The following PALS1 variants were observed in gnomAD, a reference collection of about 807,000 sequenced individuals.
PALS1 encodes protein PALS1.
A neutral mutation model predicts 78.9 loss-of-function variants in PALS1; 31 were observed. The ratio of observed to expected loss-of-function variants is 0.39; its 90% CI spans 0.30 to 0.53. The LOEUF is 0.53. Ranked by LOEUF, PALS1 falls within the 20% of genes least tolerant of loss-of-function variation. PALS1 has a pLI of 0.67. For synonymous variants in PALS1, 276 were observed against 270.9 expected (o/e 1.02, Z -0.18); for missense variants, 704 against 826.5 (o/e 0.85, Z 1.82).
intron 2 of PALS1, among the ~76,000 whole-genome samples, chr14:67,277,363 T>C (rs1451137467): frequency 6.6e-6 from 1 of 152,160 alleles, no homozygotes; most frequent in East Asian, 1.9e-4. Context: ...TTCCTGATTG[T>C]TGGACTAGTG....
intron 14 of PALS1, among the ~76,000 whole-genome samples, chr14:67,324,648 G>A (rs2085322534): frequency 6.6e-6 from 1 of 151,590 alleles, no homozygotes. Context: ...GTAGTGGCAT[G>A]TTCATGGCTC....
intron 3 of PALS1, chr14:67,279,790 C>T (rs927102263): frequency 2.6e-6 from 1 of 379,002 alleles, no homozygotes; most frequent in Non-Finnish European, 4.7e-6. Flanking sequence ...TCTGCATGGG[C>T]CCTAACATTT....
chr14:67,280,857 C>CCT (rs1567518348), intron 3 of PALS1, among the ~76,000 whole-genome samples: 62 of 53,234 alleles, frequency 1.2e-3, no homozygotes, highest in Non-Finnish European at 1.6e-3. Flanking sequence ...CCTTCCTTCC[C>CCT]TCCCTCCCTC....
chr14:67,256,797 G>GACACACACACACACACACACACAC (rs10654145), intron 1 of PALS1, among the ~76,000 whole-genome samples: 180 of 147,786 alleles, frequency 1.2e-3, no homozygotes, highest in Middle Eastern at 3.5e-3. Flanking sequence ...AGAAACTATT[G>GACACACACACACACACACACACAC]ACACACACAC....
At chr14:67,243,129 TCA>T (rs2083928832) in intron 1 of PALS1, among the ~76,000 whole-genome samples, 1 of 152,184 alleles carries the variant, frequency 6.6e-6, no homozygotes, top group Non-Finnish European at 1.5e-5. Context: ...TTTTCTGATT[TCA>T]GAGTGTCTAG....
At chr14:67,283,550 A>C (rs535864813) in intron 3 of PALS1, among the ~76,000 whole-genome samples, 3 of 152,162 alleles carry the variant, frequency 2.0e-5, no homozygotes, top group Non-Finnish European at 4.4e-5. Flanking sequence ...TTGTTTAGCT[A>C]TTGTTACAGA....
chr14:67,304,741 T>TA (rs1476392358), intron 8 of PALS1, among the ~76,000 whole-genome samples: 1 of 152,234 alleles, frequency 6.6e-6, no homozygotes, highest in Non-Finnish European at 1.5e-5. Flanking sequence ...AATCTGTGAA[T>TA]AAACTAAAAC....
intron 4 of PALS1, among the ~76,000 whole-genome samples, chr14:67,300,331 A>G (rs997528986): frequency 8.3e-6 from 1 of 120,998 alleles, no homozygotes; most frequent in Non-Finnish European, 1.6e-5. Flanking sequence ...TGTATTATGA[A>G]TTACCTTTTT....
chr14:67,295,337 A>G (rs186807321), intron 4 of PALS1, among the ~76,000 whole-genome samples: 1 of 151,838 alleles, frequency 6.6e-6, no homozygotes, highest in East Asian at 1.9e-4. Flanking sequence ...AAAAAATACA[A>G]AAATTAGCTG....
intron 9 of PALS1, among the ~76,000 whole-genome samples, chr14:67,313,659 T>C (rs2085127392): frequency 6.6e-6 from 1 of 152,194 alleles, no homozygotes; most frequent in Admixed American, 6.5e-5. Context: ...TAATAATTCA[T>C]CCATTTATTT....
At chr14:67,317,546 C>T in intron 11 of PALS1, 67 bp downstream of exon 11, 2 of 1,072,908 alleles carry the variant, frequency 1.9e-6, no homozygotes, top group South Asian at 1.4e-5. Context: ...TCCTGTTTTG[C>T]ACCTTAATGT....
chr14:67,284,285 A>G (rs1037516284), intron 3 of PALS1, among the ~76,000 whole-genome samples: 4 of 151,920 alleles, frequency 2.6e-5, no homozygotes, highest in African/African-American at 9.7e-5. Context: ...TGTAGAATTC[A>G]TTAGTTTTTA....
rs112474279 is a variant in PALS1, at chr14:67,276,382, G to A, written c.-153-2636G>A. On this transcript the variant is annotated intron_variant, in intron 2 of 14. Coordinates refer to ENST00000261681, the MANE Select transcript of PALS1 (RefSeq NM_022474.4). ...CATGTGAGCCTGTCTGCCTGGAATA[G>A]ACCTTTCTACTATCTGGCTAATTTT... Among the ~76,000 whole-genome samples, 1,159 of 152,198 alleles carry A rather than the reference G, an allele frequency of 7.6e-3. 14 individuals carry two copies. Among genetic ancestry groups the A allele is most frequent in the African/African-American group, 0.025 (1,046 of 41,522 alleles).
chr14:67,302,542 A>G lies in PALS1; in HGVS notation c.934A>G (p.Lys312Glu), dbSNP rs752833908. ...LEINGIEIRG[K>E]DVNEVFDLLS... ...GATTAATGGCATTGAAATTCGGGGGAAAGATGTCAATGAGGTTTTTGACTT... is the reference window on the plus strand; with the variant it reads ...GATTAATGGCATTGAAATTCGGGGGGAAGATGTCAATGAGGTTTTTGACTT... The change falls in exon 7 of 15, where the codon AAA becomes GAA. Residue 312 changes from lysine to glutamate, a missense_variant. By Grantham distance (56) the Lys-to-Glu change is moderately conservative. Transcript: ENST00000261681. The G allele has an allele frequency of 3.2e-6, 5 of 1,573,132 alleles. No individual in the cohort carries two copies. Among genetic ancestry groups the G allele is most frequent in the African/African-American group, 1.4e-5 (1 of 72,858 alleles).
At chr14:67,252,877 A>C (rs57782535) in intron 1 of PALS1, among the ~76,000 whole-genome samples, 23,489 of 152,202 alleles carry the variant, frequency 0.15, 3,421 homozygotes, top group East Asian at 0.42. Context: ...TTTGAAACAC[A>C]ATTTCATTTA....
At chr14:67,305,674 C>T (rs1317795492) in intron 8 of PALS1, among the ~76,000 whole-genome samples, 2 of 152,136 alleles carry the variant, frequency 1.3e-5, no homozygotes, top group African/African-American at 2.4e-5. Context: ...TAGAATTAAT[C>T]GAAGTGTTAC....
In PALS1 at chr14:67,279,077, TGA is replaced by T; in HGVS notation, c.-93_-92del. On this transcript the variant is annotated 5_prime_UTR_variant, in exon 3 of 15. Transcript: ENST00000261681. ...ATGTGATGTGAGAAGTTTTTTTTTT[TGA>T]AGTAACATGGATTTTATACTACAGA... is the stretch of plus-strand genomic sequence containing the variant. 1 of 1,246,996 alleles carries T rather than the reference TGA, an allele frequency of 8.0e-7. No homozygotes were observed. 77.2% of individuals were successfully genotyped at this position (1,246,996 alleles called of 1,614,324 possible).
chr14:67,292,767 G>C, intron 4 of PALS1, 48 bp downstream of exon 4: 3 of 1,390,362 alleles, frequency 2.2e-6, no homozygotes, highest in Non-Finnish European at 3.0e-6. Context: ...AATTAGTAGT[G>C]GCAGGAAGGC....
At chr14:67,325,813 CT>C (rs34458766) in intron 14 of PALS1, among the ~76,000 whole-genome samples, 204 of 142,786 alleles carry the variant, frequency 1.4e-3, no homozygotes, top group Non-Finnish European at 1.4e-3. Context: ...TGTTAAGCAT[CT>C]TTTTTTTTTT....
Sources: allele counts gnomAD v4.1 joint callset (sites outside exome capture counted in the v4.1 genomes callset), GRCh38; gene constraint gnomAD v4.1.1; transcripts MANE v1.5; gene names NCBI Gene and HGNC (gene_info 2026-07-23, HGNC 2026-07-21).